The following TIAM1 variants were observed in gnomAD, a reference collection of about 807,000 sequenced individuals.
The protein encoded by TIAM1 is TIAM Rac1 associated GEF 1, also known as rho guanine nucleotide exchange factor TIAM1.
TIAM1 carries 65 observed loss-of-function variants against 163.5 expected under a neutral mutation model. That is an observed-to-expected ratio of 0.40 (90% CI 0.33 to 0.49). TIAM1 has a LOEUF of 0.49. Ranked by LOEUF, TIAM1 falls within the 20% of genes least tolerant of loss-of-function variation. The pLI is 0.77. For synonymous variants in TIAM1, 833 were observed against 810.1 expected (o/e 1.03, Z -0.48); for missense variants, 1,789 against 2,044.7 (o/e 0.87, Z 2.41).
At chr21:31,320,565 G>A (rs2075277361) in intron 2 of TIAM1, among the ~76,000 whole-genome samples, 1 of 152,166 alleles carries the variant, frequency 6.6e-6, no homozygotes, top group Non-Finnish European at 1.5e-5. Flanking sequence ...CTCCAAGGCA[G>A]GAATGAGCCA....
chr21:31,467,529 G>A (rs1238938732), intron 1 of TIAM1, among the ~76,000 whole-genome samples: 2 of 151,720 alleles, frequency 1.3e-5, no homozygotes, highest in East Asian at 3.9e-4. Context: ...GGGAGGCTGA[G>A]GCAGAAGAAT....
At chr21:31,538,900 C>T (rs1246091600) in intron 1 of TIAM1, among the ~76,000 whole-genome samples, 2 of 149,374 alleles carry the variant, frequency 1.3e-5, no homozygotes, top group African/African-American at 2.6e-5. Context: ...CGTCCCTGCA[C>T]GGCCGCTCAT....
intron 6 of TIAM1, among the ~76,000 whole-genome samples, chr21:31,228,550 C>T (rs1016861429): frequency 6.6e-6 from 1 of 152,022 alleles, no homozygotes; most frequent in African/African-American, 2.4e-5. Flanking sequence ...CCAGGTGCCA[C>T]CAATAGGGGA....
At chr21:31,438,348 T>C (rs2044293537) in intron 2 of TIAM1, among the ~76,000 whole-genome samples, 1 of 151,852 alleles carries the variant, frequency 6.6e-6, no homozygotes, top group African/African-American at 2.4e-5. Context: ...CCTGCCACCA[T>C]GCCCAGCTAA....
chr21:31,272,808 GCAA>G (rs971843374), intron 3 of TIAM1, among the ~76,000 whole-genome samples: 48 of 151,944 alleles, frequency 3.2e-4, no homozygotes, highest in African/African-American at 6.0e-4. Flanking sequence ...AATGAATTAG[GCAA>G]CAACAACAAC....
chr21:31,374,675 A>T (rs1365021892), intron 2 of TIAM1, among the ~76,000 whole-genome samples: 1 of 152,188 alleles, frequency 6.6e-6, no homozygotes, highest in Non-Finnish European at 1.5e-5. Flanking sequence ...AGTTCATCCC[A>T]TCAAACTGAA....
intron 2 of TIAM1, among the ~76,000 whole-genome samples, chr21:31,315,569 G>A (rs1217695205): frequency 6.6e-6 from 1 of 151,280 alleles, no homozygotes; most frequent in East Asian, 1.9e-4. Context: ...CAACTACTTG[G>A]GAGACTGAGG....
intron 2 of TIAM1, among the ~76,000 whole-genome samples, chr21:31,431,679 T>C (rs559005261): frequency 8.5e-5 from 13 of 152,354 alleles, no homozygotes; most frequent in Admixed American, 6.5e-4. Flanking sequence ...TTACGAACAC[T>C]AGAGAGTGTA....
At chr21:31,256,692 T>C (rs1162308028) in intron 4 of TIAM1, among the ~76,000 whole-genome samples, 1 of 151,448 alleles carries the variant, frequency 6.6e-6, no homozygotes, top group Admixed American at 6.6e-5. Context: ...CCTTTGATAA[T>C]CTCAGTACAG....
chr21:31,495,208 G>A (rs1002661301), intron 1 of TIAM1, among the ~76,000 whole-genome samples: 1 of 152,178 alleles, frequency 6.6e-6, no homozygotes, highest in African/African-American at 2.4e-5. Flanking sequence ...GTCTTAATCA[G>A]CTTGTGCAGC....
chr21:31,241,818 G>A (rs1299471369), intron 6 of TIAM1, among the ~76,000 whole-genome samples: 1 of 152,092 alleles, frequency 6.6e-6, no homozygotes, highest in Admixed American at 6.6e-5. Context: ...ACCAGCCTGG[G>A]CAACATAGCA....
At chr21:31,297,444 G>C (rs2074322042) in intron 2 of TIAM1, among the ~76,000 whole-genome samples, 3 of 152,218 alleles carry the variant, frequency 2.0e-5, no homozygotes, top group Non-Finnish European at 4.4e-5. Flanking sequence ...ACCCAGGCTG[G>C]AGTGCAATGG....
chr21:31,546,314 G>C (rs2048487705), intron 1 of TIAM1, among the ~76,000 whole-genome samples: 1 of 152,044 alleles, frequency 6.6e-6, no homozygotes, highest in Non-Finnish European at 1.5e-5. Flanking sequence ...CACTTTGGGA[G>C]GTCCAGGCAG....
At chr21:31,544,960 C>T (rs916360969) in intron 1 of TIAM1, among the ~76,000 whole-genome samples, 1 of 152,226 alleles carries the variant, frequency 6.6e-6, no homozygotes, top group African/African-American at 2.4e-5. Context: ...TTGCAGTAAG[C>T]CAAGATCACG....
Position 31,359,857 on chromosome 21 carries a change from GAA to G in TIAM1, c.-368-20437_-368-20436del, listed in dbSNP as rs1491287695. Among the ~76,000 whole-genome samples the G allele has an allele frequency of 5.3e-3, 633 of 119,784 alleles. 16 individuals are homozygous for G. Among genetic ancestry groups the G allele is most frequent in the Admixed American group, 0.018 (225 of 12,494 alleles). 78.6% of individuals were successfully genotyped at this position (119,784 alleles called of 152,430 possible). On this transcript the variant is annotated intron_variant, in intron 2 of 28. Transcript: ENST00000286827. ...GGAAGGAAGGAAGGAAGGAAGGAAG[GAA>G]GGAAGGGAGGGAGGGAGGAAAGACA...
chr21:31,144,756 G>A (rs1207246195), intron 20 of TIAM1, among the ~76,000 whole-genome samples: 1 of 144,836 alleles, frequency 6.9e-6, no homozygotes, highest in Non-Finnish European at 1.5e-5. Context: ...TTGAACCTGG[G>A]AGGCAGAGGT....
At chr21:31,236,856 A>G (rs2146683279) in intron 6 of TIAM1, among the ~76,000 whole-genome samples, 1 of 152,298 alleles carries the variant, frequency 6.6e-6, no homozygotes, top group South Asian at 2.1e-4. Context: ...CACGCTTACA[A>G]GTAAGAACAG....
At chr21:31,391,404 C>T (rs988402615) in intron 2 of TIAM1, among the ~76,000 whole-genome samples, 5 of 152,172 alleles carry the variant, frequency 3.3e-5, no homozygotes, top group African/African-American at 1.2e-4. Context: ...ACAGGCAGAT[C>T]ACCTGAGGTC....
intron 4 of TIAM1, among the ~76,000 whole-genome samples, chr21:31,253,163 C>T (rs2071909066): frequency 6.6e-6 from 1 of 152,248 alleles, no homozygotes; most frequent in Non-Finnish European, 1.5e-5. Context: ...AGGAAGGATA[C>T]TCACTGCAGT....
Sources: gnomAD v4.1 joint callset for allele counts (sites outside exome capture counted in the v4.1 genomes callset) on GRCh38, gnomAD v4.1.1 for gene constraint, MANE v1.5 for transcripts, NCBI Gene and HGNC (gene_info 2026-07-23, HGNC 2026-07-21) for gene names.